TIAM1: variants seen among roughly 807,000 people sequenced by gnomAD.
TIAM1 encodes rho guanine nucleotide exchange factor TIAM1.
TIAM1 carries 65 observed loss-of-function variants against 163.5 expected under a neutral mutation model. The observed-to-expected ratio is 0.40, with a 90% confidence interval of 0.33 to 0.49. The LOEUF is 0.49. Ranked by LOEUF, TIAM1 falls within the 20% of genes least tolerant of loss-of-function variation. The probability of loss-of-function intolerance (pLI) is 0.77; values close to 1 mark genes in which losing one functional copy is unlikely to be tolerated. For missense variants in TIAM1, 1,789 were observed against 2,044.7 expected (o/e 0.87, Z 2.41); for synonymous variants, 833 against 810.1 (o/e 1.03, Z -0.48).
chr21:31,270,727 G>A (rs1181347872), intron 3 of TIAM1, among the ~76,000 whole-genome samples: 2 of 152,122 alleles, frequency 1.3e-5, no homozygotes, highest in African/African-American at 2.4e-5. Flanking sequence ...TTGCAATTTT[G>A]GTTTTTTTGG....
intron 2 of TIAM1, among the ~76,000 whole-genome samples, chr21:31,334,445 C>A (rs765483653): frequency 2.0e-5 from 3 of 152,154 alleles, no homozygotes; most frequent in Non-Finnish European, 4.4e-5. Context: ...AAACACTGCA[C>A]TCGGCTGTTC....
At chr21:31,217,206 C>CAAA (rs113271826) in intron 9 of TIAM1, among the ~76,000 whole-genome samples, 15 of 127,488 alleles carry the variant, frequency 1.2e-4, no homozygotes, top group African/African-American at 3.8e-4. Context: ...ACTCTGTCTC[C>CAAA]AAAAAAAAAA....
intron 2 of TIAM1, among the ~76,000 whole-genome samples, chr21:31,424,446 A>G (rs1458808932): frequency 6.6e-6 from 1 of 152,180 alleles, no homozygotes; most frequent in Non-Finnish European, 1.5e-5. Context: ...GTTCCATGGA[A>G]TATTATTCAG....
intron 13 of TIAM1, among the ~76,000 whole-genome samples, chr21:31,190,877 T>C (rs1759993840): frequency 6.6e-6 from 1 of 152,206 alleles, no homozygotes; most frequent in Non-Finnish European, 1.5e-5. Context: ...CAGCATATGA[T>C]CTGTATTGTG....
intron 1 of TIAM1, among the ~76,000 whole-genome samples, chr21:31,546,950 C>A (rs9978741): frequency 6.1e-5 from 9 of 148,358 alleles, no homozygotes; most frequent in Admixed American, 3.4e-4. Context: ...GGCTGTGCCC[C>A]AAAATAGTGG....
intron 1 of TIAM1, among the ~76,000 whole-genome samples, chr21:31,537,514 G>A (rs2048177608): frequency 6.6e-6 from 1 of 151,972 alleles, no homozygotes; most frequent in Non-Finnish European, 1.5e-5. Context: ...CACTTTGGGA[G>A]GCTAAGGTGG....
chr21:31,267,645 A>C (rs2072859261), intron 3 of TIAM1, among the ~76,000 whole-genome samples: 1 of 151,556 alleles, frequency 6.6e-6, no homozygotes, highest in African/African-American at 2.4e-5. Context: ...AAAAAAAAAA[A>C]GCTTTGACCT....
chr21:31,252,204 G>A lies in TIAM1; in HGVS notation c.964-15C>T. On this transcript the variant is annotated splice_polypyrimidine_tract_variant and intron_variant, in intron 4 of 27. Transcript: ENST00000541036. The stretch of plus-strand genomic sequence containing the variant: ...GCATTAACATCCTTGGGAGCAGAAA[G>A]AGAGAGCAAAGAAGACAAGCGTCAC... The A allele has an allele frequency of 5.0e-6, 8 of 1,596,674 alleles. No individual in the cohort carries two copies. Among genetic ancestry groups the A allele is most frequent in the Non-Finnish European group, 5.9e-6 (7 of 1,176,524 alleles).
At chr21:31,304,458 T>C (rs1176550499) in intron 2 of TIAM1, among the ~76,000 whole-genome samples, 1 of 152,194 alleles carries the variant, frequency 6.6e-6, no homozygotes, top group African/African-American at 2.4e-5. Context: ...AAGCTGCTTT[T>C]AAGAAATCCA....
intron 4 of TIAM1, among the ~76,000 whole-genome samples, chr21:31,254,166 C>A (rs1601715314): frequency 6.6e-6 from 1 of 152,190 alleles, no homozygotes; most frequent in East Asian, 1.9e-4. Context: ...ATAAGAGAGA[C>A]TTTGGTACAA....
chr21:31,241,205 G>C (rs528423054), intron 6 of TIAM1, among the ~76,000 whole-genome samples: 4 of 152,292 alleles, frequency 2.6e-5, no homozygotes, highest in South Asian at 4.2e-4. Flanking sequence ...GCGGCTAAGA[G>C]AGTCACAACA....
chr21:31,240,453 C>T (rs1435552871), intron 6 of TIAM1, among the ~76,000 whole-genome samples: 1 of 152,158 alleles, frequency 6.6e-6, no homozygotes, highest in African/African-American at 2.4e-5. Flanking sequence ...TCTATACAAT[C>T]ACATGAAAAC....
chr21:31,267,065 C>T, intron 3 of TIAM1, 82 bp from the exon 4 acceptor site: 1 of 1,497,532 alleles, frequency 6.7e-7, no homozygotes, highest in Non-Finnish European at 8.9e-7. Context: ...GCTCAGCCTG[C>T]AGGGAGGGCA....
chr21:31,152,041 TTTTTTTG>T (rs1308828292), intron 19 of TIAM1, among the ~76,000 whole-genome samples: 1,446 of 70,604 alleles, frequency 0.02, 38 homozygotes, highest in African/African-American at 0.067. Flanking sequence ...TTTTTTTTTT[TTTTTTTG>T]TAAGACGGAG....
At chr21:31,520,246 G>A (rs1050404517) in intron 1 of TIAM1, among the ~76,000 whole-genome samples, 1 of 151,672 alleles carries the variant, frequency 6.6e-6, no homozygotes, top group Non-Finnish European at 1.5e-5. Flanking sequence ...CAGGAGAATC[G>A]CTTGAACCTG....
chr21:31,148,687 G>A (rs1453809392), intron 19 of TIAM1, among the ~76,000 whole-genome samples: 1 of 152,036 alleles, frequency 6.6e-6, no homozygotes, highest in East Asian at 1.9e-4. Context: ...GAAACACTAA[G>A]GTATTCACTT....
intron 11 of TIAM1, among the ~76,000 whole-genome samples, chr21:31,206,779 T>C (rs1483972923): frequency 1.3e-5 from 2 of 151,100 alleles, no homozygotes; most frequent in African/African-American, 2.4e-5. Flanking sequence ...ATAGATAACA[T>C]GTCTCAGAAT....
At chr21:31,200,357 T>C (rs541409106) in intron 12 of TIAM1, among the ~76,000 whole-genome samples, 1 of 152,144 alleles carries the variant, frequency 6.6e-6, no homozygotes, top group South Asian at 2.1e-4. Flanking sequence ...AAAAGTGATA[T>C]CTTTATATTT....
At chr21:31,356,369 AC>A (rs2076317030) in intron 2 of TIAM1, among the ~76,000 whole-genome samples, 1 of 152,010 alleles carries the variant, frequency 6.6e-6, no homozygotes, top group African/African-American at 2.4e-5. Flanking sequence ...CATCCCCCCC[AC>A]AGCTCACACC....
Sources: gnomAD v4.1 joint callset for allele counts (sites outside exome capture counted in the v4.1 genomes callset) on GRCh38, gnomAD v4.1.1 for gene constraint, MANE v1.5 for transcripts, NCBI Gene and HGNC (gene_info 2026-07-23, HGNC 2026-07-21) for gene names.